CLASP1: variants seen among roughly 807,000 people sequenced by gnomAD.
The protein encoded by CLASP1 is cytoplasmic linker associated protein 1.
In CLASP1, 38 loss-of-function variants were observed where a neutral mutation model predicts 192.3. The observed-to-expected ratio is 0.20, with a 90% CI of 0.15 to 0.26. The LOEUF (loss-of-function observed/expected upper bound fraction) is 0.26, where lower values mean the gene tolerates loss of function less well. Ranked by LOEUF, CLASP1 falls within the 10% of genes least tolerant of loss-of-function variation. The pLI, the probability that CLASP1 is intolerant of heterozygous loss-of-function variation, is 1.00. For missense variants in CLASP1, 1,433 were observed against 1,932.5 expected, an observed-to-expected ratio of 0.74 and a Z score of 4.85; for synonymous variants, 691 against 712.8, an observed-to-expected ratio of 0.97 and a Z score of 0.49.
chr2:121,423,200 T>C (rs1261874258), intron 22 of CLASP1, among the ~76,000 whole-genome samples: 1 of 151,948 alleles, frequency 6.6e-6, no homozygotes, highest in Non-Finnish European at 1.5e-5. Context: ...ATATAAACTA[T>C]ATGTATGACC....
intron 2 of CLASP1, among the ~76,000 whole-genome samples, chr2:121,603,930 G>C (rs562078579): frequency 1.5e-4 from 23 of 152,296 alleles, no homozygotes; most frequent in Admixed American, 1.5e-3. Context: ...AGGAGGAAGA[G>C]AGGTATAGGA....
At chr2:121,478,664 C>A (rs2091993437) in intron 8 of CLASP1, among the ~76,000 whole-genome samples, 5 of 98,520 alleles carry the variant, frequency 5.1e-5, no homozygotes, top group Non-Finnish European at 6.3e-5. Flanking sequence ...ACACACACCC[C>A]CCACACACAC....
intron 2 of CLASP1, among the ~76,000 whole-genome samples, chr2:121,569,550 T>C (rs948498853): frequency 1.2e-4 from 18 of 151,158 alleles, no homozygotes; most frequent in South Asian, 8.3e-4. Flanking sequence ...ACCCAATTTA[T>C]GATGTTAAAA....
At chr2:121,548,961 C>T (rs1455713191) in intron 2 of CLASP1, among the ~76,000 whole-genome samples, 1 of 152,060 alleles carries the variant, frequency 6.6e-6, no homozygotes, top group Non-Finnish European at 1.5e-5. Context: ...AGATCACTAC[C>T]AACAAATGCA....
At chr2:121,432,838 A>G (rs2081663124) in intron 19 of CLASP1, among the ~76,000 whole-genome samples, 1 of 152,210 alleles carries the variant, frequency 6.6e-6, no homozygotes, top group Non-Finnish European at 1.5e-5. Context: ...TCTAAATAGA[A>G]TAACACCCAC....
At position 121,500,488 on chromosome 2, in the gene CLASP1, AAG is replaced by A. The variant is rs1491457433; in HGVS notation, c.712+2677_712+2678del. ...GAAGGAAGGAAGAAGAAAAGAGAAA[AAG>A]AGGAGGAGGAGAAAAGGTGAAAGAA... is the stretch of plus-strand genomic sequence containing the variant. On this transcript the variant is annotated intron_variant, in intron 8 of 39. Transcript: ENST00000263710. 1.1e-4 allele frequency among the ~76,000 whole-genome samples: 17 copies of A among 151,732 alleles called. No homozygotes were observed. In the East Asian group the frequency reaches 2.7e-3, roughly 24 times the overall value.
intron 8 of CLASP1, among the ~76,000 whole-genome samples, chr2:121,502,710 T>C (rs1285294779): frequency 2.6e-5 from 4 of 152,272 alleles, no homozygotes; most frequent in South Asian, 2.1e-4. Flanking sequence ...CTGGGTGTGA[T>C]GGGAAGTCTT....
chr2:121,432,540 T>C (rs2149664662), intron 19 of CLASP1, among the ~76,000 whole-genome samples: 1 of 152,328 alleles, frequency 6.6e-6, no homozygotes, highest in South Asian at 2.1e-4. Context: ...CCTGTTGAAA[T>C]GTTGACTGGC....
At chr2:121,623,012 T>TC (rs1374210077) in intron 1 of CLASP1, among the ~76,000 whole-genome samples, 1 of 152,038 alleles carries the variant, frequency 6.6e-6, no homozygotes, top group Non-Finnish European at 1.5e-5. Context: ...TCACGTAAGC[T>TC]CAGGAGTTCG....
rs537247330 is a variant in CLASP1 at position 121,584,197 on chromosome 2, C to A, written c.195+21504G>T. 4.6e-5 allele frequency among the ~76,000 whole-genome samples: 7 copies of A among 152,316 alleles called. No individual in the cohort carries two copies. In the South Asian group the frequency reaches 1.2e-3, roughly 27 times the overall value. On this transcript the variant is annotated intron_variant, in intron 2 of 39. Transcript: ENST00000263710. ...CTCCTGGGCTCAACTGATCTTCCCA[C>A]CTCGGCCTCCCAAAGTGCTGGGATT...
At chr2:121,511,223 T>C (rs895474141) in intron 7 of CLASP1, among the ~76,000 whole-genome samples, 4 of 152,202 alleles carry the variant, frequency 2.6e-5, no homozygotes, top group African/African-American at 9.7e-5. Flanking sequence ...CTATATGTTG[T>C]CCTTACCAAA....
At chr2:121,533,994 A>G (rs1308515546) in intron 2 of CLASP1, among the ~76,000 whole-genome samples, 1 of 152,224 alleles carries the variant, frequency 6.6e-6, no homozygotes, top group African/African-American at 2.4e-5. Flanking sequence ...ACTGGGACCA[A>G]CACTCCTGCC....
At chr2:121,529,208 A>G (rs2104714216) in intron 3 of CLASP1, among the ~76,000 whole-genome samples, 1 of 152,214 alleles carries the variant, frequency 6.6e-6, no homozygotes, top group Middle Eastern at 3.4e-3. Context: ...GTGTATTTTT[A>G]GTTTTACATC....
At chr2:121,478,659 CA>C (rs2091986991) in intron 8 of CLASP1, among the ~76,000 whole-genome samples, 3 of 91,476 alleles carry the variant, frequency 3.3e-5, no homozygotes, top group African/African-American at 1.0e-4. Flanking sequence ...CACACACACA[CA>C]CCCCCCACAC....
intron 2 of CLASP1, among the ~76,000 whole-genome samples, chr2:121,566,695 ACCAATGCCAAATGCTCAAACTAGTAC>A (rs937944587): frequency 1.3e-5 from 2 of 152,184 alleles, no homozygotes; most frequent in African/African-American, 4.8e-5. Context: ...ATAACTACCT[ACCAATGCCAAATGCTCAAACTAGTAC>A]CCAACTAGTT....
chr2:121,467,001 G>A (rs1307932112), intron 9 of CLASP1, among the ~76,000 whole-genome samples: 2 of 152,180 alleles, frequency 1.3e-5, no homozygotes, highest in Non-Finnish European at 2.9e-5. Flanking sequence ...GTCCCAGTGT[G>A]TGTTTTCCTC....
Position 121,530,869 on chromosome 2 carries a change from C to T in CLASP1, c.196-544G>A, listed in dbSNP as rs74790826. ...GCGCTTCCTGCTTGCAGCCCAGGGA[C>T]TTTCTATTATAACCATCCTTTTCTT... On this transcript the variant is annotated intron_variant, in intron 2 of 39. Transcript: ENST00000263710. 30,620 of 678,710 alleles carry T rather than the reference C, an allele frequency of 0.045. 903 individuals carry two copies. The highest frequency in any genetic ancestry group is 0.12 in the East Asian group (4,363 of 36,752). 42.0% of individuals were successfully genotyped at this position (678,710 alleles called of 1,614,324 possible).
Position 121,376,585 on chromosome 2 carries a change from A to G in CLASP1, c.3642+914T>C, listed in dbSNP as rs13401778. On this transcript the variant is annotated intron_variant, in intron 34 of 39. Coordinates refer to ENST00000263710, the Ensembl canonical transcript of CLASP1. ...AATAGCTGCAAAATTGCAGCTAGGT[A>G]AGAGGAATAAGTTCTAATGCTCTAT... Among the ~76,000 whole-genome samples, 1,071 of 152,196 alleles carry G rather than the reference A, an allele frequency of 7.0e-3. 9 individuals are homozygous for G. The highest frequency in any genetic ancestry group is 0.024 in the African/African-American group (982 of 41,498).
chr2:121,530,848 T>G, intron 2 of CLASP1: 1 of 668,602 alleles, frequency 1.5e-6, no homozygotes, highest in South Asian at 1.5e-5. Context: ...GTATTGGCGC[T>G]TCCTGCTTGC....
Sources: allele counts gnomAD v4.1 joint callset (sites outside exome capture counted in the v4.1 genomes callset), GRCh38; gene constraint gnomAD v4.1.1; transcripts MANE v1.5; gene names NCBI Gene and HGNC (gene_info 2026-07-23, HGNC 2026-07-21).